Variants in TGFBRAP1 observed in about 807,000 individuals in gnomAD.
The protein encoded by TGFBRAP1 is transforming growth factor-beta receptor-associated protein 1.
In TGFBRAP1, 20 loss-of-function variants were observed where a neutral mutation model predicts 83.2. The observed-to-expected ratio is 0.24, with a 90% confidence interval of 0.17 to 0.35. The LOEUF is 0.35. TGFBRAP1 is among the 10% of genes least tolerant of loss of function. The probability of loss-of-function intolerance (pLI) is 1.00; values close to 1 mark genes in which losing one functional copy is unlikely to be tolerated. For missense variants in TGFBRAP1, 950 were observed against 1,099.4 expected, an observed-to-expected ratio of 0.86 and a Z score of 1.92; for synonymous variants, 415 against 459.8, an observed-to-expected ratio of 0.90 and a Z score of 1.25.
chr2:105,316,460 T>TGC (rs1247975846), intron 1 of TGFBRAP1, among the ~76,000 whole-genome samples: 134 of 66,912 alleles, frequency 2.0e-3, no homozygotes, highest in Non-Finnish European at 2.4e-3. Flanking sequence ...TGTGTGTGTG[T>TGC]GTGCGCGCGC....
chr2:105,282,301 G>A (rs1259436735), intron 5 of TGFBRAP1, among the ~76,000 whole-genome samples: 3 of 152,184 alleles, frequency 2.0e-5, no homozygotes, highest in African/African-American at 7.2e-5. Context: ...GGGTGCAGGT[G>A]GTCTAAAGGA....
At chr2:105,316,470 C>CGCGCGCGT (rs1558654668) in intron 1 of TGFBRAP1, among the ~76,000 whole-genome samples, 2 of 94,182 alleles carry the variant, frequency 2.1e-5, no homozygotes, top group Non-Finnish European at 4.3e-5. Context: ...TGTGCGCGCG[C>CGCGCGCGT]GCGCGCGCGC....
At chr2:105,280,300 T>C in intron 6 of TGFBRAP1, 82 bp downstream of exon 6, 1 of 1,449,006 alleles carries the variant, frequency 6.9e-7, no homozygotes, top group Non-Finnish European at 9.3e-7. Context: ...GCTAAGTCAC[T>C]TCACGAGGAT....
At chr2:105,327,408 A>T (rs914264738) in intron 1 of TGFBRAP1, 12 of 152,028 alleles carry the variant, frequency 7.9e-5, no homozygotes, top group African/African-American at 2.9e-4. Context: ...CTACAAAAAA[A>T]ATTTTTTAAA....
chr2:105,282,387 CTG>C (rs1677569777), intron 5 of TGFBRAP1, among the ~76,000 whole-genome samples: 2 of 152,252 alleles, frequency 1.3e-5, no homozygotes, highest in South Asian at 2.1e-4. Flanking sequence ...TAGCTGGTAA[CTG>C]TGGCCTCCGG....
In TGFBRAP1 at chr2:105,296,541, GAAAAAACACACTGCCTGCA is replaced by G. The variant is rs377074187; in HGVS notation, c.884-50_884-32del. On this transcript the variant is annotated intron_variant, in intron 3 of 11. Coordinates refer to ENST00000393359, the MANE Select transcript of TGFBRAP1 (RefSeq NM_004257.6). ...AAGAAATTCAGCATTGTTGGAAAGA[GAAAAAACACACTGCCTGCA>G]AAAAAACACACTGCTTTCCCCAAAC... is the stretch of plus-strand genomic sequence containing the variant. 69 of 1,586,750 alleles carry G rather than the reference GAAAAAACACACTGCCTGCA, an allele frequency of 4.3e-5. No individual in the cohort carries two copies. In the Middle Eastern group the frequency reaches 6.7e-4, roughly 15 times the overall value.
chr2:105,271,860 AAAG>A lies in TGFBRAP1; in HGVS notation c.1972+992_1972+994del, dbSNP rs1677164924. 9.2e-5 allele frequency among the ~76,000 whole-genome samples: 14 copies of A among 152,310 alleles called. No homozygotes were observed. In the South Asian group the frequency reaches 2.9e-3, roughly 32 times the overall value. ...CAGAGCCTGATGCAGAGCTGAGGCC[AAAG>A]AAGGAGCGCCCTCCTTCCTTGCTTC... On this transcript the variant is annotated intron_variant, in intron 10 of 11. Transcript: ENST00000393359.
chr2:105,263,894 A>G (rs1676844572), downstream of TGFBRAP1, among the ~76,000 whole-genome samples: 1 of 152,164 alleles, frequency 6.6e-6, no homozygotes, highest in African/African-American at 2.4e-5. Flanking sequence ...CTCATAAAAA[A>G]CAAAACAAAA....
intron 2 of TGFBRAP1, among the ~76,000 whole-genome samples, chr2:105,307,132 A>G (rs1232984545): frequency 6.6e-6 from 1 of 152,214 alleles, no homozygotes; most frequent in Non-Finnish European, 1.5e-5. Context: ...TGGGAACTTC[A>G]AGAAAAACTC....
At chr2:105,256,559 A>G in the TGFBRAP1 span, among the ~76,000 whole-genome samples, 1 of 152,222 alleles carries the variant, frequency 6.6e-6, no homozygotes, top group Non-Finnish European at 1.5e-5. Flanking sequence ...GATTTTAGTC[A>G]GTTTACAAGA....
At chr2:105,301,538 G>C (rs1320360148) in intron 2 of TGFBRAP1, among the ~76,000 whole-genome samples, 3 of 152,000 alleles carry the variant, frequency 2.0e-5, no homozygotes, top group African/African-American at 7.2e-5. Flanking sequence ...AGTGAGCCGA[G>C]ATTGTGCCAC....
chr2:105,295,736 G>A (rs1434146679), intron 4 of TGFBRAP1, among the ~76,000 whole-genome samples: 3 of 150,448 alleles, frequency 2.0e-5, no homozygotes, highest in Admixed American at 6.7e-5. Context: ...GCTTGAACTC[G>A]GGAGGCAGAG....
Position 105,267,110 on chromosome 2 carries a change from C to A in TGFBRAP1, c.*273G>T, listed in dbSNP as rs1676965902. 2.6e-5 allele frequency: 8 copies of A among 308,466 alleles called. No homozygotes were observed. The highest frequency in any genetic ancestry group is 1.7e-4 in the East Asian group (3 of 17,562). 19.1% of individuals were successfully genotyped at this position (308,466 alleles called of 1,614,324 possible). A position where few individuals can be genotyped will look rare whatever the true frequency, so the allele number is the denominator to read the frequency against. On this transcript the variant is annotated 3_prime_UTR_variant, in exon 12 of 12. Coordinates refer to ENST00000393359, the MANE Select transcript of TGFBRAP1 (RefSeq NM_004257.6). ...CAAAGTAGACCTCTGTCTTGGATTA[C>A]TATGTACCTGGACAGGTGAACTCTT...
chr2:105,267,891 G>A (rs894414236), intron 11 of TGFBRAP1: 3 of 985,164 alleles, frequency 3.0e-6, no homozygotes, highest in Non-Finnish European at 3.6e-6. Flanking sequence ...AGTCATGAAT[G>A]TTAATGCTGA....
At chr2:105,303,910 CA>C (rs1485269378) in intron 2 of TGFBRAP1, among the ~76,000 whole-genome samples, 1 of 151,310 alleles carries the variant, frequency 6.6e-6, no homozygotes, top group South Asian at 2.1e-4. Flanking sequence ...ATTTCTTCAG[CA>C]AAAAAAATTA....
At chr2:105,322,222 G>C (rs1490125498) in intron 1 of TGFBRAP1, among the ~76,000 whole-genome samples, 2 of 151,476 alleles carry the variant, frequency 1.3e-5, no homozygotes, top group Non-Finnish European at 3.0e-5. Flanking sequence ...AGCATATAAA[G>C]AAAATATTTT....
rs1573164516 is a variant in TGFBRAP1 at position 105,275,819 on chromosome 2, C to A, written c.1522-116G>T. The A allele has an allele frequency of 3.8e-6, 4 of 1,051,640 alleles. No individual in the cohort carries two copies. The South Asian group carries it at 1.2e-4, about 32-fold the overall frequency. 65.1% of individuals were successfully genotyped at this position (1,051,640 alleles called of 1,614,324 possible). A position where few individuals can be genotyped will look rare whatever the true frequency, so the allele number is the denominator to read the frequency against. On this transcript the variant is annotated intron_variant, in intron 7 of 11. Coordinates refer to ENST00000393359, the MANE Select transcript of TGFBRAP1 (RefSeq NM_004257.6). ...GTTTACTTATTTGGCTTTTTAATAC[C>A]TTTTAAAGTAGTTGGAAAAACTGTA...
chr2:105,274,222 C>T (rs886787211), intron 8 of TGFBRAP1, among the ~76,000 whole-genome samples: 2 of 152,126 alleles, frequency 1.3e-5, no homozygotes, highest in Non-Finnish European at 2.9e-5. Flanking sequence ...AGTAAGTTTC[C>T]GGGCTGCCTT....
At chr2:105,282,190 C>A (rs751862140) in intron 5 of TGFBRAP1, among the ~76,000 whole-genome samples, 1 of 152,176 alleles carries the variant, frequency 6.6e-6, no homozygotes, top group Non-Finnish European at 1.5e-5. Context: ...AATGGGCATG[C>A]CAGAGAAGCA....
Sources: allele counts gnomAD v4.1 joint callset (sites outside exome capture counted in the v4.1 genomes callset), GRCh38; gene constraint gnomAD v4.1.1; transcripts MANE v1.5; gene names NCBI Gene and HGNC (gene_info 2026-07-23, HGNC 2026-07-21).